Variants in SLC8A1 observed in about 807,000 individuals in gnomAD.
SLC8A1 encodes the protein solute carrier family 8 member A1.
Under a neutral mutation model 68.3 loss-of-function variants are expected in SLC8A1, and 18 were observed. The observed-to-expected ratio is 0.26, with a 90% confidence interval of 0.18 to 0.39. The LOEUF is 0.39. Among genes scored for constraint, SLC8A1 ranks in the 10% least tolerant of loss-of-function variants. The pLI, the probability that SLC8A1 is intolerant of heterozygous loss-of-function variation, is 1.00. For missense variants in SLC8A1, 985 were observed against 1,156.7 expected, an observed-to-expected ratio of 0.85 and a Z score of 2.15; for synonymous variants, 475 against 415.5, an observed-to-expected ratio of 1.14 and a Z score of -1.74.
At chr2:40,347,131 A>T (rs1218098312) in intron 2 of SLC8A1, among the ~76,000 whole-genome samples, 1 of 152,132 alleles carries the variant, frequency 6.6e-6, no homozygotes, top group Non-Finnish European at 1.5e-5. Flanking sequence ...TTTGCTACAT[A>T]CTGGCTATTT....
At chr2:40,491,170 T>A (rs1576659699) in intron 1 of SLC8A1, among the ~76,000 whole-genome samples, 1 of 152,154 alleles carries the variant, frequency 6.6e-6, no homozygotes, top group African/African-American at 2.4e-5. Flanking sequence ...GAAGCTTAGG[T>A]TTGTAGTTCT....
chr2:40,130,163 G>A (rs2039040105), intron 7 of SLC8A1, among the ~76,000 whole-genome samples: 1 of 152,216 alleles, frequency 6.6e-6, no homozygotes, highest in South Asian at 2.1e-4. Context: ...AATAAAAGAT[G>A]CAAAGAGCTT....
intron 2 of SLC8A1, among the ~76,000 whole-genome samples, chr2:40,368,561 A>G (rs552386624): frequency 6.6e-6 from 1 of 152,226 alleles, no homozygotes; most frequent in African/African-American, 2.4e-5. Flanking sequence ...TCTTCCTCTT[A>G]TTAAAATTGA....
chr2:40,203,817 A>G (rs1335329683), intron 2 of SLC8A1, among the ~76,000 whole-genome samples: 1 of 151,856 alleles, frequency 6.6e-6, no homozygotes. Flanking sequence ...ATGATCCTCT[A>G]CCTCATCCTC....
At chr2:40,300,985 A>G (rs2071349337) in intron 2 of SLC8A1, among the ~76,000 whole-genome samples, 1 of 152,148 alleles carries the variant, frequency 6.6e-6, no homozygotes, top group Non-Finnish European at 1.5e-5. Flanking sequence ...GGGATATTTC[A>G]AGGTGAAAAG....
chr2:40,297,530 T>G (rs994010006), intron 2 of SLC8A1, among the ~76,000 whole-genome samples: 1 of 152,210 alleles, frequency 6.6e-6, no homozygotes, highest in African/African-American at 2.4e-5. Flanking sequence ...AATGCATTTT[T>G]TCAGTACATC....
chr2:40,228,053 T>A (rs999384158), intron 2 of SLC8A1, among the ~76,000 whole-genome samples: 1 of 152,212 alleles, frequency 6.6e-6, no homozygotes, highest in Non-Finnish European at 1.5e-5. Flanking sequence ...ACTTTTCTCT[T>A]TTCTAATGCA....
intron 2 of SLC8A1, chr2:40,255,033 T>TCTTTG (rs1414104843): frequency 1.3e-5 from 2 of 151,184 alleles, no homozygotes; most frequent in African/African-American, 2.4e-5. Context: ...CTGTCTTCAT[T>TCTTTG]CTTTGCTTTT....
intron 2 of SLC8A1, among the ~76,000 whole-genome samples, chr2:40,278,593 T>C (rs895650323): frequency 6.6e-6 from 1 of 152,214 alleles, no homozygotes; most frequent in Non-Finnish European, 1.5e-5. Flanking sequence ...AAGGATCTAA[T>C]GCCAAATGTG....
rs184845777 is a variant in SLC8A1 at position 40,370,979 on chromosome 2, T to C, written c.1808+57494A>G. On this transcript the variant is annotated intron_variant, in intron 2 of 7. Coordinates refer to ENST00000406785, the Ensembl canonical transcript of SLC8A1. ...GAAGGTACCCCTAGACATTCATTTC[T>C]ATAAAGACCACCTACATTTCATTTT... Among the ~76,000 whole-genome samples, 60 of 152,234 alleles carry C rather than the reference T, an allele frequency of 3.9e-4. No individual in the cohort carries two copies. In the East Asian group the frequency reaches 0.011, roughly 28 times the overall value.
chr2:40,419,965 G>A (rs1342747343), intron 2 of SLC8A1, among the ~76,000 whole-genome samples: 3 of 151,994 alleles, frequency 2.0e-5, no homozygotes, highest in South Asian at 2.1e-4. Context: ...CACCTTGTTC[G>A]AAAACAAATT....
intron 2 of SLC8A1, among the ~76,000 whole-genome samples, chr2:40,346,223 CA>C (rs1194315376): frequency 6.6e-6 from 1 of 152,098 alleles, no homozygotes; most frequent in East Asian, 1.9e-4. Flanking sequence ...TTTTATTGCA[CA>C]CAGTGAGAAG....
chr2:40,171,388 C>G (rs983062230), intron 4 of SLC8A1, among the ~76,000 whole-genome samples: 14 of 152,146 alleles, frequency 9.2e-5, no homozygotes, highest in African/African-American at 3.4e-4. Context: ...TTAGAGAACT[C>G]TATATCTTAG....
chr2:40,455,965 G>T (rs367608932), upstream of SLC8A1, among the ~76,000 whole-genome samples: 1 of 149,252 alleles, frequency 6.7e-6, no homozygotes, highest in Admixed American at 6.7e-5. Flanking sequence ...CAATGAATTT[G>T]TCACAGTCTT....
At chr2:40,357,559 G>T (rs558181180) in intron 2 of SLC8A1, among the ~76,000 whole-genome samples, 1 of 148,890 alleles carries the variant, frequency 6.7e-6, no homozygotes, top group Admixed American at 6.7e-5. Context: ...CAGTGTAGAA[G>T]TAATCTTCTC....
chr2:40,503,347 A>T (rs1303742246), intron 1 of SLC8A1, among the ~76,000 whole-genome samples: 1 of 152,002 alleles, frequency 6.6e-6, no homozygotes, highest in Non-Finnish European at 1.5e-5. Flanking sequence ...GCATACTCTA[A>T]GTTCTTCAGA....
At chr2:40,323,804 G>A (rs888305284) in intron 2 of SLC8A1, among the ~76,000 whole-genome samples, 1 of 152,100 alleles carries the variant, frequency 6.6e-6, no homozygotes, top group Non-Finnish European at 1.5e-5. Flanking sequence ...TAAGGGATAT[G>A]AAGTGATGCC....
chr2:40,370,936 G>A (rs925770693), intron 2 of SLC8A1, among the ~76,000 whole-genome samples: 4 of 152,020 alleles, frequency 2.6e-5, no homozygotes, highest in African/African-American at 9.7e-5. Flanking sequence ...GCATGACTTA[G>A]TACACTAGTT....
chr2:40,099,124 C>A (rs1006223251), exon 8 of SLC8A1: 1 of 151,954 alleles, frequency 6.6e-6, no homozygotes, highest in African/African-American at 2.4e-5. Flanking sequence ...AACAGTGTTG[C>A]TTAAGATCAT....
Sources: gnomAD v4.1 joint callset for allele counts (sites outside exome capture counted in the v4.1 genomes callset) on GRCh38, gnomAD v4.1.1 for gene constraint, MANE v1.5 for transcripts, NCBI Gene and HGNC (gene_info 2026-07-23, HGNC 2026-07-21) for gene names.